The following SCNN1G variants were observed in gnomAD, a reference collection of about 807,000 sequenced individuals.
SCNN1G encodes sodium channel epithelial 1 subunit gamma, also known as epithelial sodium channel subunit gamma.
In SCNN1G, 27 loss-of-function variants were observed where a neutral mutation model predicts 64.6. That is an observed-to-expected ratio of 0.42 (90% CI 0.31 to 0.58). SCNN1G has a LOEUF of 0.58. SCNN1G is among the 20% of genes least tolerant of loss of function. The pLI is 0.18. For missense variants in SCNN1G, 743 were observed against 823.4 expected (o/e 0.90, Z 1.19); for synonymous variants, 330 against 314.2 (o/e 1.05, Z -0.53).
At chr16:23,211,958 G>A (rs1960086357) in intron 7 of SCNN1G, 76 bp from the exon 8 acceptor site, 1 of 1,065,220 alleles carries the variant, frequency 9.4e-7, no homozygotes, top group Non-Finnish European at 1.5e-6. Flanking sequence ...GACCCCCTGG[G>A]CTGAGGGATG....
rs879586097 is a variant in SCNN1G at position 23,210,866 on chromosome 16, TA to T, written c.1176+1030del. On this transcript the variant is annotated intron_variant, in intron 7 of 12. Coordinates refer to ENST00000300061, the MANE Select transcript of SCNN1G (RefSeq NM_001039.4). ...GGGCAACATAGCAAGACCTTGCCTC[TA>T]AAAAAAAAAAATTTGTTTTAATTAC... 3.8e-3 allele frequency among the ~76,000 whole-genome samples: 556 copies of T among 146,028 alleles called. 2 individuals are homozygous for T. Among genetic ancestry groups the T allele is most frequent in the African/African-American group, 6.9e-3 (276 of 39,986 alleles).
rs535274674 is a variant in SCNN1G at position 23,183,186 on chromosome 16, G to C, written c.-45+373G>C. ...TTCTACCCTCTGGAATGCTTTCTCC[G>C]GGGTGACTTGGTGCAGAAAGAAGCA... On this transcript the variant is annotated intron_variant, in intron 1 of 12. Transcript: ENST00000300061. 2.6e-5 allele frequency among the ~76,000 whole-genome samples: 4 copies of C among 152,368 alleles called. No homozygotes were observed. In the South Asian group the frequency reaches 8.3e-4, roughly 32 times the overall value.
Position 23,189,591 on chromosome 16 carries a change from C to A in SCNN1G, c.538C>A (p.Arg180=), listed in dbSNP as rs763601481. 6.2e-7 allele frequency: 1 copy of A among 1,614,192 alleles called. No individual in the cohort carries two copies. The highest frequency in any genetic ancestry group is 1.1e-5 in the South Asian group (1 of 91,086). The change falls in exon 3 of 13, where the codon CGG becomes AGG. Residue 180 remains arginine, a synonymous_variant. Coordinates refer to ENST00000300061, the MANE Select transcript of SCNN1G (RefSeq NM_001039.4). ...KARDFFTGRK[R]KVGGSIIHKA... ...CAGGGACTTCTTCACAGGGAGGAAG[C>A]GGAAAGTCGGCGGTAGCATCATTCA...
At position 23,215,439 on chromosome 16, in the gene SCNN1G, C is replaced by T; in HGVS notation, c.1920C>T (p.Leu640=). The T allele has an allele frequency of 7.4e-6, 12 of 1,612,504 alleles. No individual in the cohort carries two copies. Among genetic ancestry groups the T allele is most frequent in the African/African-American group, 1.3e-5 (1 of 75,040 alleles). ...TGGAGAGGGCCTTTTCCAACCAGCT[C>T]ACAGATACCCAGATGCTGGATGAGC... ...LRLERAFSNQ[L]TDTQMLDEL The change falls in exon 13 of 13, where the codon CTC becomes CTT. Residue 640 remains leucine, a synonymous_variant. Transcript: ENST00000300061.
At chr16:23,205,615 G>A (rs181734442) in intron 6 of SCNN1G, among the ~76,000 whole-genome samples, 1 of 151,862 alleles carries the variant, frequency 6.6e-6, no homozygotes, top group East Asian at 1.9e-4. Flanking sequence ...CATGAGAATG[G>A]CTTACACCCG....
At chr16:23,206,592 G>A (rs1161745427) in intron 6 of SCNN1G, among the ~76,000 whole-genome samples, 1 of 152,200 alleles carries the variant, frequency 6.6e-6, no homozygotes, top group East Asian at 1.9e-4. Flanking sequence ...TCCAGCCTGG[G>A]TGACAGATCG....
intron 7 of SCNN1G, among the ~76,000 whole-genome samples, chr16:23,211,567 T>C (rs981745597): frequency 7.9e-5 from 12 of 152,200 alleles, no homozygotes; most frequent in Non-Finnish European, 1.8e-4. Flanking sequence ...CCCAGCATTT[T>C]GGAAAGCCAA....
chr16:23,189,185 C>T (rs1443589727), intron 2 of SCNN1G, among the ~76,000 whole-genome samples, 186 bp from the exon 3 acceptor site: 2 of 152,176 alleles, frequency 1.3e-5, no homozygotes, highest in African/African-American at 4.8e-5. Context: ...GAGCCTTTCC[C>T]CATTTGCCAG....
intron 2 of SCNN1G, among the ~76,000 whole-genome samples, chr16:23,188,180 G>A (rs192467987): frequency 3.3e-5 from 5 of 152,232 alleles, no homozygotes; most frequent in African/African-American, 7.2e-5. Flanking sequence ...ATACTGTAGT[G>A]GAGGAATAAA....
In SCNN1G at chr16:23,197,355, T is replaced by G; in HGVS notation, c.1005T>G (p.Asp335Glu). The G allele has an allele frequency of 6.2e-7, 1 of 1,614,008 alleles. No homozygotes were observed. Among genetic ancestry groups the G allele is most frequent in the African/African-American group, 1.3e-5 (1 of 75,028 alleles). Reference protein sequence around the residue: ...TGAKVIIHRQDEYPFVEDVGT... With the variant: ...TGAKVIIHRQEEYPFVEDVGT... ...CTAAGGTGATCATCCATCGGCAGGATGAGTATCCCTTCGTCGAAGATGTGG... is the reference window on the plus strand; with the variant it reads ...CTAAGGTGATCATCCATCGGCAGGAGGAGTATCCCTTCGTCGAAGATGTGG... The change falls in exon 6 of 13, where the codon GAT becomes GAG. Residue 335 changes from aspartate to glutamate, a missense_variant. By Grantham distance (45) the Asp-to-Glu change is conservative. Transcript: ENST00000300061.
intron 7 of SCNN1G, 128 bp downstream of exon 7, chr16:23,209,976 C>A: frequency 5.5e-6 from 4 of 728,752 alleles, no homozygotes; most frequent in Non-Finnish European, 1.0e-5. Flanking sequence ...CATCCAGAGA[C>A]CTCAAGAACA....
In SCNN1G at chr16:23,213,155, G is replaced by T. The variant is rs190330851; in HGVS notation, c.1485G>T (p.Lys495Asn). The part of the protein sequence containing the change: ...TWDQGRQVNK[K>N]LNKTDLAKLL... ...ACCAAGGCCGGCAAGTAAACAAAAA[G>T]CTCAACAAGTAAGTTACCTCTACCC... Residue 495 changes from lysine (K) to asparagine (N), a missense_variant, in exon 11 of 13, where the codon AAG becomes AAT. By Grantham distance (94) the Lys-to-Asn change is moderately conservative (BLOSUM62 0). Coordinates refer to ENST00000300061, the MANE Select transcript of SCNN1G (RefSeq NM_001039.4). 1.2e-6 allele frequency: 2 copies of T among 1,612,666 alleles called. No individual in the cohort carries two copies. Among genetic ancestry groups the T allele is most frequent in the African/African-American group, 2.7e-5 (2 of 74,744 alleles).
Position 23,216,483 on chromosome 16 carries a change from T to C in SCNN1G, c.*1014T>C, listed in dbSNP as rs1960160689. On this transcript the variant is annotated 3_prime_UTR_variant, in exon 13 of 13. Transcript: ENST00000300061. Reference sequence around the variant, plus strand: ...TCCACCTGAAATGGCTAACAGGTATTAAATCCTTGGTTGGTGTTTAAAGCC... The same window carrying C: ...TCCACCTGAAATGGCTAACAGGTATCAAATCCTTGGTTGGTGTTTAAAGCC... 1 of 152,246 alleles carries C rather than the reference T, an allele frequency of 6.6e-6. No individual in the cohort carries two copies. Among genetic ancestry groups the C allele is most frequent in the African/African-American group, 2.4e-5 (1 of 41,446 alleles). 9.4% of individuals were successfully genotyped at this position (152,246 alleles called of 1,614,324 possible). A position where few individuals can be genotyped will look rare whatever the true frequency, so the allele number is the denominator to read the frequency against.
Position 23,212,781 on chromosome 16 carries a change from C to A in SCNN1G, c.1373+25C>A, listed in dbSNP as rs370819564. ...GGTATGTGGACCCCAAGGGGTGAGACGGGTGGCTGGGTTGGGTTGGGCTGC... is the reference window on the plus strand; with the variant it reads ...GGTATGTGGACCCCAAGGGGTGAGAAGGGTGGCTGGGTTGGGTTGGGCTGC... On this transcript the variant is annotated intron_variant, in intron 9 of 12. Transcript: ENST00000300061. 2.3e-5 allele frequency: 37 copies of A among 1,613,372 alleles called. No individual in the cohort carries two copies. In the African/African-American group the frequency reaches 3.7e-4, roughly 16 times the overall value.
intron 10 of SCNN1G, 93 bp from the exon 11 acceptor site, chr16:23,213,009 G>A: frequency 6.6e-7 from 1 of 1,521,892 alleles, no homozygotes; most frequent in Non-Finnish European, 9.1e-7. Context: ...ATTACCTTGT[G>A]GAGGCTGGGG....
At chr16:23,208,745 T>C (rs1225930795) in intron 6 of SCNN1G, among the ~76,000 whole-genome samples, 1 of 149,828 alleles carries the variant, frequency 6.7e-6, no homozygotes, top group African/African-American at 2.5e-5. Context: ...TCTCTCTCTC[T>C]CTTTGTTTTC....
Position 23,215,635 on chromosome 16 carries a change from G to A in SCNN1G, c.*166G>A. The A allele has an allele frequency of 1.4e-6, 1 of 737,316 alleles. No individual in the cohort carries two copies. Among genetic ancestry groups the A allele is most frequent in the South Asian group, 1.6e-5 (1 of 60,854 alleles). The allele number at this position is 737,316 out of a possible 1,614,324, so 45.7% of individuals were successfully genotyped here. ...AAACCGCAAGATGGGGCCTGGGCAT[G>A]CGCAGGAGGAGCCATCGGGTACTAC... is the stretch of plus-strand genomic sequence containing the variant. On this transcript the variant is annotated 3_prime_UTR_variant, in exon 13 of 13. Transcript: ENST00000300061.
At chr16:23,209,995 C>G in intron 7 of SCNN1G, 147 bp downstream of exon 7, 1 of 705,736 alleles carries the variant, frequency 1.4e-6, no homozygotes. Flanking sequence ...CAAATGATGC[C>G]GGCTGGTTCC....
At chr16:23,202,757 G>A (rs977464450) in intron 6 of SCNN1G, among the ~76,000 whole-genome samples, 62 of 152,184 alleles carry the variant, frequency 4.1e-4, no homozygotes, top group Non-Finnish European at 2.1e-4. Context: ...AGGGCCGGGG[G>A]AAGTTAGATT....
Sources: gnomAD v4.1 joint callset for allele counts (sites outside exome capture counted in the v4.1 genomes callset) on GRCh38, gnomAD v4.1.1 for gene constraint, MANE v1.5 for transcripts, NCBI Gene and HGNC (gene_info 2026-07-23, HGNC 2026-07-21) for gene names.